Variants in UNC80 observed in about 807,000 individuals in gnomAD.
UNC80 encodes the protein protein unc-80 homolog.
In UNC80, 164 loss-of-function variants were observed where a neutral mutation model predicts 384.6. The observed-to-expected ratio is 0.43, with a 90% CI of 0.38 to 0.49. The LOEUF (loss-of-function observed/expected upper bound fraction) is 0.49. Ranked by LOEUF, UNC80 falls within the 20% of genes least tolerant of loss-of-function variation. The pLI is 0.00. For missense variants in UNC80, 3,330 were observed against 4,143.0 expected, an observed-to-expected ratio of 0.80 and a Z score of 5.39; for synonymous variants, 1,486 against 1,527.8, an observed-to-expected ratio of 0.97 and a Z score of 0.64.
In UNC80 at chr2:209,839,888, C is replaced by A. The variant is rs1266576199; in HGVS notation, c.3250+458C>A. On this transcript the variant is annotated intron_variant, in intron 19 of 64. Transcript: ENST00000673920. This position sits in a 1 kb window ranked among gnomAD's most constrained non-coding sequence, Gnocchi z 4.1. ...TAGTGGCATTAAGATCTCCGGGATA[C>A]TTGGGAGAAGGAAGGAGAGCACTCC... Among the ~76,000 whole-genome samples the A allele has an allele frequency of 6.6e-6, 1 of 152,042 alleles. No individual in the cohort carries two copies. Among genetic ancestry groups the A allele is most frequent in the African/African-American group, 2.4e-5 (1 of 41,382 alleles).
At position 209,976,031 on chromosome 2, in the gene UNC80, TA is replaced by T; in HGVS notation, c.8588-85del. 1 of 1,372,556 alleles carries T rather than the reference TA, an allele frequency of 7.3e-7. No individual in the cohort carries two copies. The highest frequency in any genetic ancestry group is 9.7e-7 in the Non-Finnish European group (1 of 1,034,382). The allele number at this position is 1,372,556 out of a possible 1,614,324, so 85.0% of individuals were successfully genotyped here. A position where few individuals can be genotyped will look rare whatever the true frequency, so the allele number is the denominator to read the frequency against. Reference sequence around the variant, plus strand: ...AGAGCTTAGAAATTTAGAAAATTTCTAAAGGTGCATAAAGGGCTCTGGATGT... The same window carrying T: ...AGAGCTTAGAAATTTAGAAAATTTCTAAGGTGCATAAAGGGCTCTGGATGT... On this transcript the variant is annotated intron_variant, in intron 56 of 64. Transcript: ENST00000673920. This position sits in a 1 kb window ranked among gnomAD's most constrained non-coding sequence, Gnocchi z 4.3.
In UNC80 at chr2:209,820,615, A is replaced by ATGGAGGAGGAGGTGGAGGAGG. The variant is rs2080065687; in HGVS notation, c.2274_2294dup (p.Gly760_Gly766dup). 1.9e-6 allele frequency: 3 copies of ATGGAGGAGGAGGTGGAGGAGG among 1,546,648 alleles called. No homozygotes were observed. Among genetic ancestry groups the ATGGAGGAGGAGGTGGAGGAGG allele is most frequent in the Non-Finnish European group, 1.7e-6 (2 of 1,144,584 alleles). On this transcript the variant is annotated inframe_insertion, in exon 13 of 65. Coordinates refer to ENST00000673920, the MANE Select transcript of UNC80 (RefSeq NM_001371986.1). ...GGAGATGGAGGAGGTGGAGGAGGTG[A>ATGGAGGAGGAGGTGGAGGAGG]TGGAGGAGGAGGTGGAGGAGGTGGA...
At chr2:209,945,814 C>A in intron 46 of UNC80, 33 bp from the exon 47 acceptor site, 1 of 1,456,048 alleles carries the variant, frequency 6.9e-7, no homozygotes, top group Non-Finnish European at 9.4e-7. Flanking sequence ...AAAATCCACT[C>A]TGATAGTTTG....
At chr2:209,820,200 C>G in intron 12 of UNC80, 111 bp from the exon 13 acceptor site, 1 of 1,358,182 alleles carries the variant, frequency 7.4e-7, no homozygotes. Flanking sequence ...TTATTTCTAC[C>G]CAATTTCATA....
chr2:209,825,741 GA>G (rs1273111702), intron 13 of UNC80, among the ~76,000 whole-genome samples, 165 bp from the exon 14 acceptor site: 1 of 152,124 alleles, frequency 6.6e-6, no homozygotes, highest in Non-Finnish European at 1.5e-5. Flanking sequence ...CTAAATTTTA[GA>G]AAACTGAGCG....
At chr2:209,924,593 G>T (rs1279834835) in intron 35 of UNC80, among the ~76,000 whole-genome samples, 1 of 151,882 alleles carries the variant, frequency 6.6e-6, no homozygotes, top group African/African-American at 2.4e-5. Flanking sequence ...TCTTTCCTGG[G>T]CATGTGCACA....
intron 47 of UNC80, among the ~76,000 whole-genome samples, chr2:209,947,769 A>T (rs896339305): frequency 6.6e-5 from 10 of 152,124 alleles, no homozygotes. Context: ...ATAAAACACT[A>T]AAAAAATCAT....
At chr2:209,926,242 G>T (rs1249810223) in intron 35 of UNC80, among the ~76,000 whole-genome samples, 1 of 152,130 alleles carries the variant, frequency 6.6e-6, no homozygotes, top group African/African-American at 2.4e-5. Context: ...TCTCCGCTTA[G>T]AATTTTATCT....
chr2:209,931,050 A>G lies in UNC80; in HGVS notation c.5990A>G (p.Tyr1997Cys). 1 of 1,547,308 alleles carries G rather than the reference A, an allele frequency of 6.5e-7. No individual in the cohort carries two copies. Among genetic ancestry groups the G allele is most frequent in the Non-Finnish European group, 8.7e-7 (1 of 1,143,932 alleles). Residue 1997 changes from tyrosine (Y) to cysteine (C), a missense_variant, in exon 38 of 65, where the codon TAT becomes TGT. Physicochemically the swap from Tyr to Cys is radical, Grantham distance 194. This residue lies in a region of UNC80 where 1,049 missense variants were observed against 1,488.6 expected (regional missense o/e 0.70). Coordinates refer to ENST00000673920, the MANE Select transcript of UNC80 (RefSeq NM_001371986.1). ...PAQTSHILFN[Y>C]LVGLIMYFVR... is the part of the protein sequence containing the mutation. Reference sequence around the variant, plus strand: ...CAGACATCTCACATCCTATTCAACTATTTGGTGAGTTATAAATGTTCATTT... The same window carrying G: ...CAGACATCTCACATCCTATTCAACTGTTTGGTGAGTTATAAATGTTCATTT...
At chr2:209,981,705 C>G (rs1005756988) in intron 59 of UNC80, among the ~76,000 whole-genome samples, 1 of 152,232 alleles carries the variant, frequency 6.6e-6, no homozygotes, top group African/African-American at 2.4e-5. Context: ...TTATAGCTTT[C>G]AAATATTTTT....
At chr2:209,949,896 T>C (rs1183956195) in intron 47 of UNC80, among the ~76,000 whole-genome samples, 1 of 151,688 alleles carries the variant, frequency 6.6e-6, no homozygotes, top group Non-Finnish European at 1.5e-5. Flanking sequence ...GTCACAATCA[T>C]GGCCCACTGC....
At position 209,967,459 on chromosome 2, in the gene UNC80, C is replaced by T; in HGVS notation, c.7828C>T (p.Leu2610Phe). Residue 2610 changes from leucine to phenylalanine, a missense_variant, in exon 52 of 65, where the codon CTT becomes TTT. Physicochemically the swap from Leu to Phe is conservative, Grantham distance 22 (BLOSUM62 0). This residue lies in a region of UNC80 where 1,049 missense variants were observed against 1,488.6 expected (regional missense o/e 0.70). Transcript: ENST00000673920. ...HMRLAEIAHS[L>F]LKLAPYDTQT... ...TAGGTTGGCAGAAATTGCACACTCCCTTCTGAAGCTGGCACCATATGACAC... is the reference window on the plus strand; with the variant it reads ...TAGGTTGGCAGAAATTGCACACTCCTTTCTGAAGCTGGCACCATATGACAC... 1 of 1,551,256 alleles carries T rather than the reference C, an allele frequency of 6.4e-7. No homozygotes were observed. Among genetic ancestry groups the T allele is most frequent in the East Asian group, 2.4e-5 (1 of 40,904 alleles).
In UNC80 at chr2:209,802,452, T is replaced by A. The variant is rs192850450; in HGVS notation, c.938+8593T>A. 2.3e-4 allele frequency among the ~76,000 whole-genome samples: 35 copies of A among 152,298 alleles called. No individual in the cohort carries two copies. The East Asian group carries it at 6.6e-3, about 29-fold the overall frequency. On this transcript the variant is annotated intron_variant, in intron 7 of 64. Coordinates refer to ENST00000673920, the MANE Select transcript of UNC80 (RefSeq NM_001371986.1). Reference sequence around the variant, plus strand: ...TTATCCATCAATTTAAAACAAAAATTTGAAAGTTAAAAATTTTAAAAGTAA... The same window carrying A: ...TTATCCATCAATTTAAAACAAAAATATGAAAGTTAAAAATTTTAAAAGTAA...
intron 22 of UNC80, among the ~76,000 whole-genome samples, chr2:209,854,930 G>C (rs1473684987): frequency 6.6e-6 from 1 of 152,180 alleles, no homozygotes; most frequent in African/African-American, 2.4e-5. Flanking sequence ...ATTTGACCCA[G>C]CAATCCCATT....
Position 209,976,321 on chromosome 2 carries a change from C to T in UNC80, c.8772+18C>T, listed in dbSNP as rs2093012482. 6.4e-7 allele frequency: 1 copy of T among 1,551,524 alleles called. No homozygotes were observed. Among genetic ancestry groups the T allele is most frequent in the East Asian group, 2.4e-5 (1 of 40,912 alleles). On this transcript the variant is annotated intron_variant, in intron 57 of 64. Coordinates refer to ENST00000673920, the MANE Select transcript of UNC80 (RefSeq NM_001371986.1). The surrounding 1 kb of genome is among the most constrained non-coding windows in gnomAD (Gnocchi z 4.3). The stretch of plus-strand genomic sequence containing the variant: ...AGTGCAAGGTGTGGTGTGTGCTTCT[C>T]CTCCTGAAAGTGGCAAGCTCAAATG...
At chr2:209,931,231 T>C (rs1386054819) in intron 38 of UNC80, among the ~76,000 whole-genome samples, 177 bp downstream of exon 38, 2 of 152,148 alleles carry the variant, frequency 1.3e-5, no homozygotes, top group Non-Finnish European at 2.9e-5. Flanking sequence ...GGACAGTCAA[T>C]ATAAATGTCA....
rs1050854123 is a variant in UNC80 at position 209,918,396 on chromosome 2, C to T, written c.5212-136C>T. 7 of 1,068,050 alleles carry T rather than the reference C, an allele frequency of 6.6e-6. No individual in the cohort carries two copies. The African/African-American group carries it at 1.1e-4, about 17-fold the overall frequency. 66.2% of individuals were successfully genotyped at this position (1,068,050 alleles called of 1,614,324 possible). ...GAAAATCTTGGCAAATAGCCCTTTT[C>T]TAAAATTCTTGTTCATTCTGTGTGA... On this transcript the variant is annotated intron_variant, in intron 32 of 64. Transcript: ENST00000673920.
Position 209,973,158 on chromosome 2 carries a change from C to T in UNC80, c.8475C>T (p.Ser2825=). The change falls in exon 56 of 65, where the codon AGC becomes AGT. Residue 2825 remains serine, a synonymous_variant. Coordinates refer to ENST00000673920, the MANE Select transcript of UNC80 (RefSeq NM_001371986.1). Reference sequence around the variant, plus strand: ...CGCGGATCATCAGCACATCCAGGAGCAAGAACTTCATGTTAGAGAGCTCCC... The same window carrying T: ...CGCGGATCATCAGCACATCCAGGAGTAAGAACTTCATGTTAGAGAGCTCCC... The part of the protein sequence containing the change: ...LPPRIISTSR[S]KNFMLESSPA... 1 of 1,551,682 alleles carries T rather than the reference C, an allele frequency of 6.4e-7. No individual in the cohort carries two copies. Among genetic ancestry groups the T allele is most frequent in the Non-Finnish European group, 8.7e-7 (1 of 1,147,000 alleles).
intron 25 of UNC80, among the ~76,000 whole-genome samples, chr2:209,886,745 A>G (rs545431941): frequency 6.6e-6 from 1 of 152,298 alleles, no homozygotes; most frequent in African/African-American, 2.4e-5. Flanking sequence ...TTGCCAAACT[A>G]TCTTTACTTA....
Sources: allele counts gnomAD v4.1 joint callset (sites outside exome capture counted in the v4.1 genomes callset), GRCh38; gene constraint gnomAD v4.1.1; regional missense constraint gnomAD v4.1.1; non-coding constraint Gnocchi (gnomAD v3.1); transcripts MANE v1.5; gene names NCBI Gene and HGNC (gene_info 2026-07-23, HGNC 2026-07-21).